The following ERI3 variants were observed in gnomAD, a reference collection of about 807,000 sequenced individuals.
ERI3 encodes the protein ERI1 exoribonuclease 3.
A neutral mutation model predicts 44.4 loss-of-function variants in ERI3; 18 were observed. The observed-to-expected ratio is 0.41, with a 90% CI of 0.28 to 0.60. ERI3 has a LOEUF of 0.60. Among genes scored for constraint, ERI3 ranks in the 20% least tolerant of loss-of-function variants. ERI3 has a pLI of 0.36. For missense variants in ERI3, 294 were observed against 435.5 expected (o/e 0.68, Z 2.89); for synonymous variants, 183 against 164.8 (o/e 1.11, Z -0.84).
intron 7 of ERI3, among the ~76,000 whole-genome samples, chr1:44,277,331 T>G (rs915578138): frequency 1.3e-5 from 2 of 152,158 alleles, no homozygotes; most frequent in Non-Finnish European, 2.9e-5. Flanking sequence ...TTCTCCCTCC[T>G]GCACCTTCAA....
intron 3 of ERI3, among the ~76,000 whole-genome samples, chr1:44,326,924 A>C (rs1044378939): frequency 6.6e-6 from 1 of 152,214 alleles, no homozygotes; most frequent in African/African-American, 2.4e-5. Flanking sequence ...TCAAAAACAT[A>C]ATACCAATAA....
At chr1:44,277,120 A>T (rs1194402141) in intron 7 of ERI3, among the ~76,000 whole-genome samples, 1 of 152,208 alleles carries the variant, frequency 6.6e-6, no homozygotes, top group Non-Finnish European at 1.5e-5. Flanking sequence ...CAGAAAAATA[A>T]AAGCCATCAG....
At chr1:44,247,821 A>T in intron 8 of ERI3, 118 bp downstream of exon 8, 1 of 620,796 alleles carries the variant, frequency 1.6e-6, no homozygotes. Context: ...CCACCTATGT[A>T]GAGAGCCCTG....
chr1:44,263,550 C>A (rs1644933243), intron 7 of ERI3, among the ~76,000 whole-genome samples: 2 of 152,228 alleles, frequency 1.3e-5, no homozygotes, highest in Non-Finnish European at 2.9e-5. Flanking sequence ...TACAGACAGG[C>A]AGCAGGCCCA....
chr1:44,225,202 G>A (rs377348392), intron 8 of ERI3, among the ~76,000 whole-genome samples: 4 of 152,276 alleles, frequency 2.6e-5, no homozygotes, highest in African/African-American at 9.6e-5. Context: ...GAGTGAGGTG[G>A]CAGGGAGCAC....
rs150427263 is a variant in ERI3, at chr1:44,270,300, C to T, written c.831+14535G>A. On this transcript the variant is annotated intron_variant, in intron 7 of 8. Transcript: ENST00000372257. ...CCTCAGCTTTTCTACAGTATTTATG[C>T]CTCTTAGTTTACTGAAGTCCCCTCT... Among the ~76,000 whole-genome samples the T allele has an allele frequency of 6.6e-5, 10 of 152,302 alleles. No individual in the cohort carries two copies. In the East Asian group the frequency reaches 1.9e-3, roughly 29 times the overall value.
At chr1:44,242,186 G>T (rs1000939804) in intron 8 of ERI3, 2 of 957,546 alleles carry the variant, frequency 2.1e-6, no homozygotes, top group Non-Finnish European at 2.5e-6. Context: ...GGGCAGTAGT[G>T]TACAGTAGTA....
chr1:44,328,652 T>C (rs1392569212), intron 3 of ERI3, among the ~76,000 whole-genome samples: 2 of 152,224 alleles, frequency 1.3e-5, no homozygotes, highest in African/African-American at 2.4e-5. Context: ...CATGACATTC[T>C]GCATTTCTAA....
At chr1:44,290,494 C>T (rs1645483452) in intron 6 of ERI3, among the ~76,000 whole-genome samples, 1 of 152,202 alleles carries the variant, frequency 6.6e-6, no homozygotes, top group South Asian at 2.1e-4. Flanking sequence ...CAGCTCATAA[C>T]TGCCACGATT....
At chr1:44,270,369 C>T (rs1271444833) in intron 7 of ERI3, among the ~76,000 whole-genome samples, 3 of 152,114 alleles carry the variant, frequency 2.0e-5, no homozygotes, top group African/African-American at 7.2e-5. Flanking sequence ...TTATCTAGTC[C>T]CTTTCCTCAA....
chr1:44,340,963 A>G (rs1646640666), intron 2 of ERI3, among the ~76,000 whole-genome samples: 1 of 152,210 alleles, frequency 6.6e-6, no homozygotes, highest in Admixed American at 6.5e-5. Flanking sequence ...GATGGAAGAC[A>G]CCAGTCTGCT....
At chr1:44,274,015 ACC>A (rs1645135200) in intron 7 of ERI3, among the ~76,000 whole-genome samples, 1 of 152,084 alleles carries the variant, frequency 6.6e-6, no homozygotes, top group Non-Finnish European at 1.5e-5. Flanking sequence ...TTCCATACCT[ACC>A]CTTGGCTCTG....
chr1:44,328,925 G>C (rs571263785), intron 3 of ERI3, among the ~76,000 whole-genome samples: 2 of 152,150 alleles, frequency 1.3e-5, no homozygotes, highest in African/African-American at 4.8e-5. Flanking sequence ...CCAAGAGCTA[G>C]GGCAGAAAAA....
chr1:44,309,052 T>A (rs1260077656), intron 5 of ERI3, among the ~76,000 whole-genome samples: 1 of 152,230 alleles, frequency 6.6e-6, no homozygotes, highest in African/African-American at 2.4e-5. Context: ...AGCAGAATAT[T>A]TTGAAGGCTG....
chr1:44,234,582 A>G (rs1418709909), intron 8 of ERI3, among the ~76,000 whole-genome samples: 1 of 151,808 alleles, frequency 6.6e-6, no homozygotes, highest in Admixed American at 6.6e-5. Flanking sequence ...TCACTTGAAA[A>G]CAGGAGGCGG....
chr1:44,291,305 T>C (rs1645502926), intron 6 of ERI3, among the ~76,000 whole-genome samples: 1 of 152,190 alleles, frequency 6.6e-6, no homozygotes, highest in Non-Finnish European at 1.5e-5. Context: ...CTGGTTAGTA[T>C]CTATCTCACC....
rs1266710199 is a variant in ERI3, at chr1:44,274,110, C to A, written c.831+10725G>T. ...TTAAGAGTTCCTCTCCTGGCCCTGA[C>A]AGTAAGGCATTTCTGTCCCACAGAT... is the stretch of plus-strand genomic sequence containing the variant. On this transcript the variant is annotated intron_variant, in intron 7 of 8. Coordinates refer to ENST00000372257, the MANE Select transcript of ERI3 (RefSeq NM_024066.3). Among the ~76,000 whole-genome samples the A allele has an allele frequency of 2.0e-5, 3 of 152,194 alleles. No homozygotes were observed. The East Asian group carries it at 5.8e-4, about 29-fold the overall frequency.
At chr1:44,296,791 C>T (rs145562223) in intron 6 of ERI3, among the ~76,000 whole-genome samples, 1 of 152,304 alleles carries the variant, frequency 6.6e-6, no homozygotes, top group African/African-American at 2.4e-5. Flanking sequence ...CAGCTACATG[C>T]CACTTGTCCA....
chr1:44,229,088 A>C (rs1205852632), intron 8 of ERI3, among the ~76,000 whole-genome samples: 1 of 152,198 alleles, frequency 6.6e-6, no homozygotes, highest in African/African-American at 2.4e-5. Context: ...TCTTGGCCAC[A>C]CAGGAGAAGG....
Sources: gnomAD v4.1 joint callset for allele counts (sites outside exome capture counted in the v4.1 genomes callset) on GRCh38, gnomAD v4.1.1 for gene constraint, MANE v1.5 for transcripts, NCBI Gene and HGNC (gene_info 2026-07-23, HGNC 2026-07-21) for gene names.